Variants in SYNE2 observed in about 807,000 individuals in gnomAD.
The protein encoded by SYNE2 is spectrin repeat containing nuclear envelope protein 2.
SYNE2 carries 431 observed loss-of-function variants against 856.3 expected under a neutral mutation model. The ratio of observed to expected loss-of-function variants is 0.50; its 90% CI spans 0.47 to 0.55. The LOEUF (loss-of-function observed/expected upper bound fraction) is 0.55. Among genes scored for constraint, SYNE2 ranks in the 20% least tolerant of loss-of-function variants. SYNE2 has a pLI of 0.00. For synonymous variants in SYNE2, 2,923 were observed against 2,872.3 expected (o/e 1.02, Z -0.56); for missense variants, 8,129 against 8,023.2 (o/e 1.01, Z -0.50).
rs28375639 is a variant in SYNE2 at position 64,179,931 on chromosome 14, C to T, written c.17556+2448C>T. 6.3e-3 allele frequency among the ~76,000 whole-genome samples: 957 copies of T among 152,298 alleles called. 11 individuals are homozygous for T. Among genetic ancestry groups the T allele is most frequent in the African/African-American group, 0.022 (921 of 41,562 alleles). On this transcript the variant is annotated intron_variant, in intron 96 of 115. Transcript: ENST00000555002. ...TTTCCTATATGATTTGTATTTTCCG[C>T]TTCCTTTGCAAAATCTTCATACTAA...
Position 64,000,016 on chromosome 14 carries a change from G to T in SYNE2, c.3481-546G>T, listed in dbSNP as rs575702484. ...TATACTAATCTTTGGGTAAAGTGAA[G>T]AACAAATTATACTGCTGATTGCTGA... On this transcript the variant is annotated intron_variant, in intron 27 of 115. Coordinates refer to ENST00000555002, the MANE Select transcript of SYNE2 (RefSeq NM_182914.3). 3.3e-5 allele frequency among the ~76,000 whole-genome samples: 5 copies of T among 152,298 alleles called. No homozygotes were observed. In the South Asian group the frequency reaches 1.0e-3, roughly 32 times the overall value.
At chr14:63,992,350 C>T (rs1241833547) in intron 21 of SYNE2, among the ~76,000 whole-genome samples, 1 of 152,062 alleles carries the variant, frequency 6.6e-6, no homozygotes, top group Non-Finnish European at 1.5e-5. Flanking sequence ...TGTCTCAGCT[C>T]ACTGCAGCCT....
intron 23 of SYNE2, 41 bp downstream of exon 23, chr14:63,995,243 G>T (rs1220646038): frequency 1.9e-6 from 3 of 1,559,642 alleles, no homozygotes; most frequent in East Asian, 2.3e-5. Flanking sequence ...TCATCATTTT[G>T]GGGTTTATCT....
chr14:64,203,490 C>G (rs2098588297), intron 100 of SYNE2, among the ~76,000 whole-genome samples: 1 of 152,150 alleles, frequency 6.6e-6, no homozygotes, highest in South Asian at 2.1e-4. Flanking sequence ...CTGAGCCAAC[C>G]CTGGAAATTG....
intron 2 of SYNE2, among the ~76,000 whole-genome samples, chr14:63,936,956 C>T (rs143648327): frequency 2.6e-5 from 4 of 152,038 alleles, no homozygotes; most frequent in Admixed American, 1.3e-4. Context: ...AGATATGAAA[C>T]GTGAGAGAAA....
rs936724826 is a variant in SYNE2, at chr14:64,209,548, G to A, written c.18510G>A (p.Thr6170=). ...CAAATTCCTCAGAGGTGTTGTACAC[G>A]AGTGCCAAAGAGGAACTGAAGAGGT... is the stretch of plus-strand genomic sequence containing the variant. ...ACPNSSEVLY[T]SAKEELKRFE... The change falls in exon 102 of 116, where the codon ACG becomes ACA. Residue 6170 remains threonine (T), a synonymous_variant. Coordinates refer to ENST00000555002, the MANE Select transcript of SYNE2 (RefSeq NM_182914.3). The A allele has an allele frequency of 5.0e-6, 8 of 1,614,182 alleles. No homozygotes were observed. The highest frequency in any genetic ancestry group is 1.1e-5 in the South Asian group (1 of 91,076).
intron 19 of SYNE2, among the ~76,000 whole-genome samples, chr14:63,988,630 C>T (rs1202845058): frequency 1.3e-5 from 2 of 152,134 alleles, no homozygotes; most frequent in Admixed American, 1.3e-4. Flanking sequence ...TGTTTTCACC[C>T]TGCTGTTAAA....
chr14:64,025,106 T>C (rs1329095089), intron 40 of SYNE2, 24 bp from the exon 41 acceptor site: 2 of 1,613,926 alleles, frequency 1.2e-6, no homozygotes, highest in Middle Eastern at 1.6e-4. Flanking sequence ...CCTATAAACT[T>C]TAAGTGGTAT....
chr14:64,196,919 G>GAGCC (rs761937563), intron 99 of SYNE2: 3 of 152,222 alleles, frequency 2.0e-5, no homozygotes, highest in Non-Finnish European at 2.9e-5. Flanking sequence ...CTGTGCCTGC[G>GAGCC]AGCCAGCCAG....
chr14:64,044,799 T>G (rs2097173912), intron 45 of SYNE2, among the ~76,000 whole-genome samples: 1 of 152,180 alleles, frequency 6.6e-6, no homozygotes, highest in Non-Finnish European at 1.5e-5. Flanking sequence ...TATGACTTAC[T>G]CCTTGCCTTC....
At chr14:64,221,465 G>A in intron 111 of SYNE2, 111 bp from the exon 112 acceptor site, 1 of 1,604,382 alleles carries the variant, frequency 6.2e-7, no homozygotes, top group Non-Finnish European at 8.5e-7. Flanking sequence ...CAGTGGGTAA[G>A]GCCAGAAAAG....
intron 32 of SYNE2, among the ~76,000 whole-genome samples, chr14:64,010,326 G>C (rs147899001): frequency 8.7e-4 from 133 of 152,306 alleles, no homozygotes; most frequent in South Asian, 3.5e-3. Context: ...GGTCACTTCT[G>C]TTTGGGTTTT....
At chr14:64,213,648 C>G (rs1382282468) in intron 105 of SYNE2, among the ~76,000 whole-genome samples, 1 of 152,098 alleles carries the variant, frequency 6.6e-6, no homozygotes, top group Non-Finnish European at 1.5e-5. Context: ...TCAGACACAG[C>G]CTCAAAAATT....
At chr14:63,872,226 C>G (rs751153877) in intron 1 of SYNE2, among the ~76,000 whole-genome samples, 1 of 150,972 alleles carries the variant, frequency 6.6e-6, no homozygotes, top group African/African-American at 2.4e-5. Flanking sequence ...GTCAGGAGTT[C>G]GAGACCATCT....
At chr14:63,890,774 A>G (rs570975800) in intron 1 of SYNE2, among the ~76,000 whole-genome samples, 2 of 152,310 alleles carry the variant, frequency 1.3e-5, no homozygotes, top group African/African-American at 4.8e-5. Context: ...GTCTGCCTTA[A>G]TGGGGAAATC....
chr14:64,206,881 A>T (rs970455940), intron 100 of SYNE2, among the ~76,000 whole-genome samples: 2 of 152,176 alleles, frequency 1.3e-5, no homozygotes, highest in African/African-American at 4.8e-5. Flanking sequence ...TTATTATTTT[A>T]GTATTTACAT....
chr14:63,994,799 CTT>C (rs1371609202), intron 22 of SYNE2, among the ~76,000 whole-genome samples: 2 of 152,176 alleles, frequency 1.3e-5, no homozygotes, highest in African/African-American at 4.8e-5. Context: ...TGTAGCTTGT[CTT>C]TTCATTTTCT....
At chr14:63,853,704 G>A (rs892547993) in intron 1 of SYNE2, among the ~76,000 whole-genome samples, 1 of 151,634 alleles carries the variant, frequency 6.6e-6, no homozygotes, top group African/African-American at 2.4e-5. Flanking sequence ...GGGGCGCACC[G>A]GGGCTGGAGA....
At chr14:63,884,816 A>G (rs1166936052) in intron 1 of SYNE2, among the ~76,000 whole-genome samples, 1 of 151,964 alleles carries the variant, frequency 6.6e-6, no homozygotes, top group Admixed American at 6.6e-5. Flanking sequence ...ATATATATAT[A>G]TTTTTAGTAG....
Sources: allele counts gnomAD v4.1 joint callset (sites outside exome capture counted in the v4.1 genomes callset), GRCh38; gene constraint gnomAD v4.1.1; transcripts MANE v1.5; gene names NCBI Gene and HGNC (gene_info 2026-07-23, HGNC 2026-07-21).